CSMD1: variants seen among roughly 807,000 people sequenced by gnomAD.
CSMD1 encodes CUB and sushi domain-containing protein 1.
CSMD1 carries 213 observed loss-of-function variants against 417.5 expected under a neutral mutation model. That is an observed-to-expected ratio of 0.51 (90% CI 0.46 to 0.57). CSMD1 has a LOEUF of 0.57. Among genes scored for constraint, CSMD1 ranks in the 20% least tolerant of loss-of-function variants. The pLI, the probability that CSMD1 is intolerant of heterozygous loss-of-function variation, is 0.00. For synonymous variants in CSMD1, 2,862 were observed against 1,736.8 expected (o/e 1.65, Z -16.11); for missense variants, 6,923 against 4,529.7 (o/e 1.53, Z -15.17).
intron 1 of CSMD1, among the ~76,000 whole-genome samples, chr8:4,705,816 A>G (rs1807900362): frequency 1.3e-5 from 2 of 152,154 alleles, no homozygotes; most frequent in African/African-American, 4.8e-5. Flanking sequence ...TGGGAGAAAG[A>G]TTATTCTATG....
At chr8:3,234,816 A>C (rs1453645406) in intron 26 of CSMD1, among the ~76,000 whole-genome samples, 1 of 152,246 alleles carries the variant, frequency 6.6e-6, no homozygotes, top group Non-Finnish European at 1.5e-5. Context: ...TCATCTTGGT[A>C]CCAAAGGGGT....
At chr8:4,545,261 T>C (rs1797578777) in intron 2 of CSMD1, among the ~76,000 whole-genome samples, 1 of 152,240 alleles carries the variant, frequency 6.6e-6, no homozygotes, top group Non-Finnish European at 1.5e-5. Context: ...TACTTCACAG[T>C]GCTTTCTCAA....
At chr8:4,310,784 A>C (rs537372830) in intron 3 of CSMD1, among the ~76,000 whole-genome samples, 17 of 152,330 alleles carry the variant, frequency 1.1e-4, no homozygotes, top group African/African-American at 3.6e-4. Flanking sequence ...CAGCCTTACC[A>C]AAGGAAGAAA....
intron 1 of CSMD1, among the ~76,000 whole-genome samples, chr8:4,899,535 G>A (rs191874098): frequency 4.6e-5 from 7 of 152,184 alleles, no homozygotes; most frequent in East Asian, 1.9e-4. Flanking sequence ...GCAAATGAGC[G>A]TATCTATATC....
chr8:4,882,256 T>C (rs1355911897), intron 1 of CSMD1, among the ~76,000 whole-genome samples: 1 of 151,806 alleles, frequency 6.6e-6, no homozygotes, highest in African/African-American at 2.4e-5. Context: ...TGAGGGTGGA[T>C]GTCGCCCCTT....
chr8:3,249,335 G>A (rs1800107587), intron 26 of CSMD1, among the ~76,000 whole-genome samples: 1 of 152,058 alleles, frequency 6.6e-6, no homozygotes, highest in Non-Finnish European at 1.5e-5. Flanking sequence ...GATTCTCAAT[G>A]CCTCAGCCAC....
chr8:3,942,142 C>A (rs1264288823), intron 5 of CSMD1, among the ~76,000 whole-genome samples: 1 of 151,930 alleles, frequency 6.6e-6, no homozygotes, highest in Non-Finnish European at 1.5e-5. Flanking sequence ...TCGTCACCCC[C>A]AGATGGGACC....
At chr8:4,597,010 C>G (rs1367298067) in intron 2 of CSMD1, among the ~76,000 whole-genome samples, 2 of 152,192 alleles carry the variant, frequency 1.3e-5, no homozygotes, top group Admixed American at 1.3e-4. Context: ...TCTGAGGCCT[C>G]CCAGCCATGT....
intron 5 of CSMD1, among the ~76,000 whole-genome samples, chr8:3,974,715 T>A (rs1168294466): frequency 6.6e-6 from 1 of 151,896 alleles, no homozygotes; most frequent in African/African-American, 2.4e-5. Flanking sequence ...TTATATAAGA[T>A]GAAGAACAGA....
At position 4,215,567 on chromosome 8, in the gene CSMD1, G is replaced by C. The variant is rs535333235; in HGVS notation, c.416-183468C>G. On this transcript the variant is annotated intron_variant, in intron 3 of 69. Transcript: ENST00000635120. ...ACATTGTTCTGATAATCATAGATCA[G>C]GCATTTTTTCCCTAAAATTTATACA... Among the ~76,000 whole-genome samples the C allele has an allele frequency of 1.1e-4, 16 of 151,768 alleles. No homozygotes were observed. The South Asian group carries it at 2.9e-3, about 28-fold the overall frequency.
At chr8:3,251,257 A>G (rs192120646) in intron 26 of CSMD1, among the ~76,000 whole-genome samples, 14,492 of 151,794 alleles carry the variant, frequency 0.095, 805 homozygotes, top group Non-Finnish European at 0.13. Context: ...GTAAGGAAGG[A>G]ATCCAGTTTC....
chr8:4,773,152 T>A (rs970936227), intron 1 of CSMD1, among the ~76,000 whole-genome samples: 4 of 152,178 alleles, frequency 2.6e-5, no homozygotes. Context: ...AAATAAAGTA[T>A]CAGAAATCTG....
chr8:4,085,228 T>C (rs1241754978), intron 3 of CSMD1, among the ~76,000 whole-genome samples: 5 of 152,084 alleles, frequency 3.3e-5, no homozygotes, highest in Admixed American at 1.3e-4. Context: ...AATCATCTGA[T>C]TGATTTAGGG....
At chr8:3,853,930 ATATAT>A (rs1354265203) in intron 5 of CSMD1, among the ~76,000 whole-genome samples, 1 of 146,948 alleles carries the variant, frequency 6.8e-6, no homozygotes, top group Non-Finnish European at 1.5e-5. Flanking sequence ...TAATATATTA[ATATAT>A]TAAAGTATAA....
intron 3 of CSMD1, among the ~76,000 whole-genome samples, chr8:4,280,910 T>C (rs1382928744): frequency 6.6e-6 from 1 of 152,216 alleles, no homozygotes; most frequent in South Asian, 2.1e-4. Flanking sequence ...TCATGGAAGT[T>C]GCAATTGCAA....
chr8:4,376,966 G>A (rs1802788716), intron 3 of CSMD1, among the ~76,000 whole-genome samples: 1 of 152,148 alleles, frequency 6.6e-6, no homozygotes. Flanking sequence ...CACCGCACAG[G>A]TGCTGAGCAC....
intron 26 of CSMD1, among the ~76,000 whole-genome samples, chr8:3,244,507 T>G (rs762183807): frequency 6.6e-6 from 1 of 152,218 alleles, no homozygotes; most frequent in African/African-American, 2.4e-5. Context: ...CCCAGCCAAG[T>G]ACACCAGCTT....
At chr8:4,468,003 G>C (rs1337224506) in intron 2 of CSMD1, among the ~76,000 whole-genome samples, 1 of 152,172 alleles carries the variant, frequency 6.6e-6, no homozygotes, top group Non-Finnish European at 1.5e-5. Flanking sequence ...CTGTAGATTT[G>C]TGTAGTGATA....
chr8:4,480,393 A>C (rs1801033503), intron 2 of CSMD1, among the ~76,000 whole-genome samples: 2 of 152,164 alleles, frequency 1.3e-5, no homozygotes, highest in South Asian at 2.1e-4. Flanking sequence ...TTGAGCCTTA[A>C]TTTAAGTTTG....
Sources: allele counts gnomAD v4.1 joint callset (sites outside exome capture counted in the v4.1 genomes callset), GRCh38; gene constraint gnomAD v4.1.1; transcripts MANE v1.5; gene names NCBI Gene and HGNC (gene_info 2026-07-23, HGNC 2026-07-21).